Variants in SCYL2 observed in about 807,000 individuals in gnomAD.
The protein encoded by SCYL2 is SCY1 like pseudokinase 2.
In SCYL2, 36 loss-of-function variants were observed where a neutral mutation model predicts 100.4. That is an observed-to-expected ratio of 0.36 (90% CI 0.27 to 0.47). The LOEUF (loss-of-function observed/expected upper bound fraction) is 0.47. Ranked by LOEUF, SCYL2 falls within the 20% of genes least tolerant of loss-of-function variation. The probability of loss-of-function intolerance (pLI) is 1.00; values close to 1 mark genes in which losing one functional copy is unlikely to be tolerated. For missense variants in SCYL2, 902 were observed against 1,083.9 expected (o/e 0.83, Z 2.36); for synonymous variants, 330 against 359.2 (o/e 0.92, Z 0.92).
chr12:100,313,653 A>G, intron 7 of SCYL2, 115 bp downstream of exon 7: 1 of 603,714 alleles, frequency 1.7e-6, no homozygotes, highest in Non-Finnish European at 3.0e-6. Context: ...TCTGAGATTA[A>G]GTTCTTCTAA....
At chr12:100,297,629 G>A (rs942791160) in intron 3 of SCYL2, among the ~76,000 whole-genome samples, 2 of 152,110 alleles carry the variant, frequency 1.3e-5, no homozygotes, top group African/African-American at 2.4e-5. Flanking sequence ...TCCTTTGAGC[G>A]TATTCTGAAA....
intron 2 of SCYL2, among the ~76,000 whole-genome samples, chr12:100,290,362 C>T (rs936949925): frequency 5.3e-5 from 8 of 152,080 alleles, no homozygotes; most frequent in Non-Finnish European, 1.2e-4. Flanking sequence ...CTAAATAATT[C>T]CTTTTTGTTG....
intron 4 of SCYL2, among the ~76,000 whole-genome samples, chr12:100,306,704 A>T (rs2096334810): frequency 6.6e-6 from 1 of 152,226 alleles, no homozygotes; most frequent in South Asian, 2.1e-4. Context: ...AGGAAGTCAT[A>T]TTGTCTCTGT....
At chr12:100,311,891 T>C (rs1385762855) in intron 5 of SCYL2, among the ~76,000 whole-genome samples, 2 of 152,224 alleles carry the variant, frequency 1.3e-5, no homozygotes, top group South Asian at 2.1e-4. Context: ...GTTTTTCTTA[T>C]ATGTAGTCGT....
chr12:100,315,511 C>G (rs373668296), intron 8 of SCYL2, 47 bp from the exon 9 acceptor site: 15 of 1,500,994 alleles, frequency 1.0e-5, no homozygotes, highest in African/African-American at 2.9e-5. Flanking sequence ...TACTAAAAAC[C>G]TTTAATAAAT....
chr12:100,279,367 C>G (rs2096295787), intron 1 of SCYL2, among the ~76,000 whole-genome samples: 1 of 152,238 alleles, frequency 6.6e-6, no homozygotes, highest in African/African-American at 2.4e-5. Flanking sequence ...CTACCGCTCA[C>G]CTCCTGCTCT....
chr12:100,270,108 TC>T (rs1278263124), intron 1 of SCYL2, among the ~76,000 whole-genome samples: 1 of 151,796 alleles, frequency 6.6e-6, no homozygotes, highest in African/African-American at 2.4e-5. Context: ...TGCCTCAGCC[TC>T]CCGAGTAGCT....
At chr12:100,319,304 T>C in intron 10 of SCYL2, 1 of 454,736 alleles carries the variant, frequency 2.2e-6, no homozygotes. Context: ...TACCTCTATT[T>C]CTTAGTTCTT....
chr12:100,291,571 C>A lies in SCYL2; in HGVS notation c.246C>A (p.Ile82=), dbSNP rs1408748226. ...ATCAAAAATTTGAAAAGGATCAAAT[C>A]ATTGATTCTCTAAAACGAGGAGTCC... ...DKYQKFEKDQ[I]IDSLKRGVQQ... is the part of the protein sequence containing the mutation. Residue 82 remains isoleucine, a synonymous_variant, in exon 3 of 18, where the codon ATC becomes ATA. Coordinates refer to ENST00000360820, the MANE Select transcript of SCYL2 (RefSeq NM_017988.6). 9.4e-6 allele frequency: 15 copies of A among 1,597,582 alleles called. No homozygotes were observed. The highest frequency in any genetic ancestry group is 1.1e-5 in the Non-Finnish European group (13 of 1,174,466).
intron 3 of SCYL2, among the ~76,000 whole-genome samples, chr12:100,293,294 G>A (rs1479595802): frequency 6.6e-6 from 1 of 151,986 alleles, no homozygotes; most frequent in East Asian, 1.9e-4. Context: ...ATTTTTTATT[G>A]CCTTTCTTTT....
intron 17 of SCYL2, among the ~76,000 whole-genome samples, chr12:100,338,256 C>T (rs561497927): frequency 7.9e-5 from 12 of 151,948 alleles, no homozygotes; most frequent in African/African-American, 1.4e-4. Context: ...AAGAAGAATG[C>T]GATTCTTTTT....
intron 7 of SCYL2, 23 bp from the exon 8 acceptor site, chr12:100,314,466 T>TA: frequency 6.5e-7 from 1 of 1,539,886 alleles, no homozygotes; most frequent in Non-Finnish European, 8.9e-7. Context: ...TTTATCAAAA[T>TA]ACTTTATTTC....
At chr12:100,301,952 G>T (rs747328581) in intron 4 of SCYL2, among the ~76,000 whole-genome samples, 1 of 152,154 alleles carries the variant, frequency 6.6e-6, no homozygotes, top group Admixed American at 6.5e-5. Context: ...TTCAGGGCCC[G>T]ATGGCTCTTT....
At chr12:100,336,013 A>T (rs1239080913) in intron 16 of SCYL2, 107 bp downstream of exon 16, 32 of 763,762 alleles carry the variant, frequency 4.2e-5, no homozygotes, top group Non-Finnish European at 7.0e-5. Flanking sequence ...AACAAGAAAC[A>T]TTTGTAATTA....
chr12:100,336,006 A>G (rs1952272584), intron 16 of SCYL2, 100 bp downstream of exon 16: 1 of 818,358 alleles, frequency 1.2e-6, no homozygotes, highest in Non-Finnish European at 2.0e-6. Context: ...GCAGCTTAAC[A>G]AGAAACATTT....
rs1309487512 is a variant in SCYL2 at position 100,298,119 on chromosome 12, C to G, written c.424C>G (p.Pro142Ala). 7 of 1,605,218 alleles carry G rather than the reference C, an allele frequency of 4.4e-6. No homozygotes were observed. In the East Asian group the frequency reaches 9.0e-5, roughly 21 times the overall value. ...GGAAAATCTACCTTCCCCTATATCT[C>G]CAGACATTAAGGATTATAAACTTTA... Reference protein sequence around the residue: ...NWENLPSPISPDIKDYKLYDV... With the variant: ...NWENLPSPISADIKDYKLYDV... The change falls in exon 4 of 18, where the codon CCA becomes GCA. Residue 142 changes from proline to alanine, a missense_variant. By Grantham distance (27) the Pro-to-Ala change is conservative. Transcript: ENST00000360820.
At chr12:100,335,756 G>C (rs773334101) in intron 15 of SCYL2, 55 bp from the exon 16 acceptor site, 1 of 1,593,228 alleles carries the variant, frequency 6.3e-7, no homozygotes, top group East Asian at 2.2e-5. Context: ...TCTTTAAGCA[G>C]CAAAATCACA....
chr12:100,338,661 C>T lies in SCYL2; in HGVS notation c.2279C>T (p.Thr760Ile), dbSNP rs1183754357. 5 of 1,614,002 alleles carry T rather than the reference C, an allele frequency of 3.1e-6. No homozygotes were observed. In the South Asian group the frequency reaches 4.4e-5, roughly 14 times the overall value. The change falls in exon 18 of 18, where the codon ACA becomes ATA. Residue 760 changes from threonine to isoleucine, a missense_variant. Transcript: ENST00000360820. The stretch of plus-strand genomic sequence containing the variant: ...ATGGGCATTGGTATGATGTTTTCTA[C>T]ACCAACTGATAATACAAAGAGAAAT... ...PSMGIGMMFSTPTDNTKRNLT... is the reference protein window; with the variant it reads ...PSMGIGMMFSIPTDNTKRNLT...
At chr12:100,322,381 A>G (rs1445890518) in intron 10 of SCYL2, among the ~76,000 whole-genome samples, 2 of 150,936 alleles carry the variant, frequency 1.3e-5, no homozygotes, top group Non-Finnish European at 3.0e-5. Flanking sequence ...TCAAAAAAAA[A>G]AAAAAAAAAA....
Sources: allele counts gnomAD v4.1 joint callset (sites outside exome capture counted in the v4.1 genomes callset), GRCh38; gene constraint gnomAD v4.1.1; transcripts MANE v1.5; gene names NCBI Gene and HGNC (gene_info 2026-07-23, HGNC 2026-07-21).